CSMD1: variants seen among roughly 807,000 people sequenced by gnomAD.
CSMD1 encodes the protein CUB and Sushi multiple domains 1.
Under a neutral mutation model 417.5 loss-of-function variants are expected in CSMD1, and 213 were observed. The ratio of observed to expected loss-of-function variants is 0.51; its 90% CI spans 0.46 to 0.57. The LOEUF is 0.57. CSMD1 is among the 20% of genes least tolerant of loss of function. CSMD1 has a pLI of 0.00. For missense variants in CSMD1, 6,923 were observed against 4,529.7 expected (o/e 1.53, Z -15.17); for synonymous variants, 2,862 against 1,736.8 (o/e 1.65, Z -16.11).
chr8:4,814,591 C>T (rs1035687976), intron 1 of CSMD1, among the ~76,000 whole-genome samples: 31 of 152,028 alleles, frequency 2.0e-4, no homozygotes, highest in African/African-American at 7.5e-4. Context: ...TTTAATTAGG[C>T]AAATAATAAA....
chr8:3,449,582 A>G (rs912697707), intron 12 of CSMD1, among the ~76,000 whole-genome samples: 1 of 152,096 alleles, frequency 6.6e-6, no homozygotes, highest in African/African-American at 2.4e-5. Flanking sequence ...CAATGGCACA[A>G]TATTGGCTCA....
intron 5 of CSMD1, among the ~76,000 whole-genome samples, chr8:3,823,283 C>G (rs1033475887): frequency 3.9e-5 from 6 of 152,162 alleles, no homozygotes; most frequent in African/African-American, 1.4e-4. Context: ...CAGATAATGT[C>G]TGGAATCGCT....
chr8:4,043,151 T>C (rs1195900513), intron 3 of CSMD1, among the ~76,000 whole-genome samples: 1 of 151,326 alleles, frequency 6.6e-6, no homozygotes, highest in African/African-American at 2.4e-5. Context: ...AACAAAACAA[T>C]AAAAAAAGCA....
chr8:4,910,000 G>A (rs1805556985), intron 1 of CSMD1, among the ~76,000 whole-genome samples: 2 of 152,180 alleles, frequency 1.3e-5, no homozygotes, highest in African/African-American at 4.8e-5. Context: ...CTTTATCAAT[G>A]ATTGAAATGT....
chr8:2,981,884 A>T (rs117935194), intron 54 of CSMD1, among the ~76,000 whole-genome samples: 1 of 152,198 alleles, frequency 6.6e-6, no homozygotes, highest in Non-Finnish European at 1.5e-5. Context: ...AAAAGGCATC[A>T]GCATTCCTTG....
At chr8:3,327,287 C>T (rs1486301285) in intron 23 of CSMD1, among the ~76,000 whole-genome samples, 1 of 152,120 alleles carries the variant, frequency 6.6e-6, no homozygotes, top group African/African-American at 2.4e-5. Context: ...GGACTACAGG[C>T]ACCCACCACC....
intron 1 of CSMD1, among the ~76,000 whole-genome samples, chr8:4,758,524 G>C (rs1346279826): frequency 1.3e-5 from 2 of 152,140 alleles, no homozygotes; most frequent in African/African-American, 4.8e-5. Context: ...CTTCTAGAAG[G>C]AAGTAGTGAG....
intron 2 of CSMD1, among the ~76,000 whole-genome samples, chr8:4,462,805 A>G (rs1799915739): frequency 6.6e-6 from 1 of 151,334 alleles, no homozygotes; most frequent in African/African-American, 2.5e-5. Context: ...TCCTTACACT[A>G]TCCACAAAAA....
chr8:4,003,484 G>T (rs1408133572), intron 4 of CSMD1, among the ~76,000 whole-genome samples: 2 of 152,098 alleles, frequency 1.3e-5, no homozygotes, highest in African/African-American at 2.4e-5. Flanking sequence ...GGGAAAAAAA[G>T]ATTTTAAATG....
chr8:4,217,429 G>T (rs139849766), intron 3 of CSMD1, among the ~76,000 whole-genome samples: 1 of 152,084 alleles, frequency 6.6e-6, no homozygotes, highest in Non-Finnish European at 1.5e-5. Context: ...TTATAATGGT[G>T]ATATAAGACA....
At chr8:3,986,669 G>C (rs192369238) in intron 5 of CSMD1, among the ~76,000 whole-genome samples, 1 of 152,058 alleles carries the variant, frequency 6.6e-6, no homozygotes, top group Non-Finnish European at 1.5e-5. Flanking sequence ...AGATATGAGG[G>C]ACAGAGTGAA....
chr8:4,792,697 G>C (rs567401027), intron 1 of CSMD1, among the ~76,000 whole-genome samples: 105 of 152,192 alleles, frequency 6.9e-4, no homozygotes, highest in African/African-American at 2.4e-3. Flanking sequence ...GAACCAAAAG[G>C]AACAATTCTA....
At chr8:3,347,969 A>C (rs370434383) in intron 22 of CSMD1, 23 bp downstream of exon 22, 61 of 1,523,662 alleles carry the variant, frequency 4.0e-5, no homozygotes, top group Non-Finnish European at 4.9e-5. Flanking sequence ...TGGAGTCATC[A>C]TGTTGGAGAA....
At chr8:3,571,120 C>G (rs756111492) in intron 10 of CSMD1, among the ~76,000 whole-genome samples, 5 of 152,206 alleles carry the variant, frequency 3.3e-5, no homozygotes, top group South Asian at 4.1e-4. Context: ...GAAGATCATT[C>G]TCACGACAGC....
chr8:4,393,078 C>T (rs1042832008), intron 3 of CSMD1, among the ~76,000 whole-genome samples: 6 of 152,122 alleles, frequency 3.9e-5, no homozygotes, highest in Admixed American at 1.3e-4. Context: ...GGGGTTCAAG[C>T]GATTCTCGTG....
intron 1 of CSMD1, among the ~76,000 whole-genome samples, chr8:4,884,050 A>G (rs541504380): frequency 1.3e-5 from 2 of 152,134 alleles, no homozygotes; most frequent in East Asian, 3.9e-4. Flanking sequence ...ATGGTGTCTC[A>G]CTATGGTTGG....
chr8:4,786,591 G>C (rs1196536756), intron 1 of CSMD1, among the ~76,000 whole-genome samples: 1 of 152,196 alleles, frequency 6.6e-6, no homozygotes, highest in Non-Finnish European at 1.5e-5. Context: ...TGTGGCATTT[G>C]AGGCATCAAC....
intron 2 of CSMD1, among the ~76,000 whole-genome samples, chr8:4,428,305 C>T (rs569803258): frequency 1.3e-5 from 2 of 152,316 alleles, no homozygotes; most frequent in African/African-American, 4.8e-5. Flanking sequence ...AACTACTTCA[C>T]ATCTAACGAG....
chr8:4,814,207 TG>T (rs1233592497), intron 1 of CSMD1, among the ~76,000 whole-genome samples: 41 of 151,028 alleles, frequency 2.7e-4, no homozygotes, highest in Admixed American at 2.5e-3. Flanking sequence ...TGTGTGTGTG[TG>T]TGTGTGTGTG....
Sources: allele counts gnomAD v4.1 joint callset (sites outside exome capture counted in the v4.1 genomes callset), GRCh38; gene constraint gnomAD v4.1.1; transcripts MANE v1.5; gene names NCBI Gene and HGNC (gene_info 2026-07-23, HGNC 2026-07-21).